Variants in NDFIP1 observed in about 807,000 individuals in gnomAD.
NDFIP1 encodes the protein NEDD4 family-interacting protein 1.
Under a neutral mutation model 28.8 loss-of-function variants are expected in NDFIP1, and 7 were observed. The ratio of observed to expected loss-of-function variants is 0.24; its 90% CI spans 0.14 to 0.46. The LOEUF is 0.46. Ranked by LOEUF, NDFIP1 falls within the 20% of genes least tolerant of loss-of-function variation. NDFIP1 has a pLI of 0.99. For synonymous variants in NDFIP1, 92 were observed against 101.0 expected, an observed-to-expected ratio of 0.91 and a Z score of 0.53; for missense variants, 194 against 269.1, an observed-to-expected ratio of 0.72 and a Z score of 1.95.
At chr5:142,115,728 A>C (rs1204019783) in intron 1 of NDFIP1, among the ~76,000 whole-genome samples, 1 of 152,128 alleles carries the variant, frequency 6.6e-6, no homozygotes, top group Non-Finnish European at 1.5e-5. Flanking sequence ...TCATGTATGA[A>C]ATTTTTTGGG....
intron 1 of NDFIP1, among the ~76,000 whole-genome samples, chr5:142,129,154 A>G (rs1327277088): frequency 1.3e-5 from 2 of 152,186 alleles, no homozygotes; most frequent in South Asian, 2.1e-4. Context: ...TATTAAGGGA[A>G]CATATTCGAA....
intron 7 of NDFIP1, among the ~76,000 whole-genome samples, chr5:142,151,133 A>G: frequency 6.6e-6 from 1 of 152,244 alleles, no homozygotes; most frequent in East Asian, 1.9e-4. Flanking sequence ...GTTTGAAAGT[A>G]CATGTATTAT....
chr5:142,137,986 TG>T, intron 5 of NDFIP1, 128 bp downstream of exon 5: 6 of 1,242,782 alleles, frequency 4.8e-6, no homozygotes, highest in Non-Finnish European at 5.4e-6. Context: ...GGTTTGTCTG[TG>T]GTTTCATGAT....
chr5:142,124,950 C>G (rs1481279012), intron 1 of NDFIP1, among the ~76,000 whole-genome samples: 1 of 152,152 alleles, frequency 6.6e-6, no homozygotes, highest in Non-Finnish European at 1.5e-5. Flanking sequence ...CTCAGCCTCC[C>G]AAGTAGCTGG....
At chr5:142,138,990 G>C (rs1028223869) in intron 5 of NDFIP1, among the ~76,000 whole-genome samples, 1 of 151,504 alleles carries the variant, frequency 6.6e-6, no homozygotes, top group East Asian at 1.9e-4. Flanking sequence ...GGCCGAGGCG[G>C]ACAGATCACG....
At position 142,154,405 on chromosome 5, in the gene NDFIP1, A is replaced by G. The variant is rs1757478467; in HGVS notation, c.*2677A>G. 3 of 152,280 alleles carry G rather than the reference A, an allele frequency of 2.0e-5. No homozygotes were observed. 9.4% of individuals were successfully genotyped at this position (152,280 alleles called of 1,614,324 possible). On this transcript the variant is annotated 3_prime_UTR_variant, in exon 8 of 8. Transcript: ENST00000253814. The stretch of plus-strand genomic sequence containing the variant: ...AAGTTACATTGCTTTGTATAGAAAT[A>G]AAAGGCATTATTAAAATTTGCTTGT...
At chr5:142,131,370 G>A (rs1047389395) in intron 1 of NDFIP1, among the ~76,000 whole-genome samples, 1 of 152,134 alleles carries the variant, frequency 6.6e-6, no homozygotes, top group Non-Finnish European at 1.5e-5. Flanking sequence ...CGCCTCCCGG[G>A]TTAAAACGAT....
At chr5:142,131,998 T>A in intron 2 of NDFIP1, 103 bp downstream of exon 2, 1 of 1,220,366 alleles carries the variant, frequency 8.2e-7, no homozygotes, top group Non-Finnish European at 1.1e-6. Context: ...GGAAGAAAGG[T>A]TACAAAGCAA....
chr5:142,149,556 C>T (rs866651383), intron 7 of NDFIP1, among the ~76,000 whole-genome samples: 11 of 151,522 alleles, frequency 7.3e-5, no homozygotes, highest in East Asian at 2.0e-4. Context: ...AACACTGCCA[C>T]TCAAGCCTCC....
At chr5:142,146,924 TG>T (rs1757395373) in intron 7 of NDFIP1, among the ~76,000 whole-genome samples, 1 of 152,108 alleles carries the variant, frequency 6.6e-6, no homozygotes, top group Non-Finnish European at 1.5e-5. Flanking sequence ...ACTATGTATG[TG>T]GGGTTGTGAT....
intron 1 of NDFIP1, among the ~76,000 whole-genome samples, chr5:142,120,683 A>C (rs184264251): frequency 8.5e-5 from 13 of 152,376 alleles, no homozygotes; most frequent in East Asian, 7.7e-4. Flanking sequence ...TAGTGAGGCC[A>C]AAAACACCAG....
At chr5:142,120,923 T>G (rs1271002498) in intron 1 of NDFIP1, among the ~76,000 whole-genome samples, 3 of 152,332 alleles carry the variant, frequency 2.0e-5, no homozygotes, top group Admixed American at 2.0e-4. Flanking sequence ...CTCTCCTGAA[T>G]AGAATACCTT....
At chr5:142,124,252 ACC>A (rs1202202810) in intron 1 of NDFIP1, among the ~76,000 whole-genome samples, 2 of 152,012 alleles carry the variant, frequency 1.3e-5, no homozygotes, top group Admixed American at 1.3e-4. Flanking sequence ...CCACCCCAAA[ACC>A]TTGCAGTGCT....
intron 1 of NDFIP1, among the ~76,000 whole-genome samples, chr5:142,114,318 G>C (rs1046975068): frequency 3.3e-4 from 50 of 152,098 alleles, no homozygotes; most frequent in African/African-American, 1.2e-3. Context: ...AATAATTAGC[G>C]ATGTTGAGCA....
At chr5:142,150,721 CA>C (rs11301868) in intron 7 of NDFIP1, among the ~76,000 whole-genome samples, 50,158 of 133,620 alleles carry the variant, frequency 0.38, 9,848 homozygotes, top group African/African-American at 0.6. Flanking sequence ...CTCTTGTCTC[CA>C]AAAAAAAAAA....
chr5:142,143,947 C>T (rs895190917), intron 6 of NDFIP1: 6 of 151,960 alleles, frequency 3.9e-5, no homozygotes, highest in African/African-American at 1.5e-4. Context: ...AGGCTGTGAT[C>T]ATACCGCTGC....
At position 142,108,860 on chromosome 5, in the gene NDFIP1, T is replaced by C; in HGVS notation, c.-115T>C. The C allele has an allele frequency of 1.1e-6, 1 of 910,802 alleles. No homozygotes were observed. The highest frequency in any genetic ancestry group is 2.8e-5 in the South Asian group (1 of 36,032). The allele number at this position is 910,802 out of a possible 1,614,324, so 56.4% of individuals were successfully genotyped here. ...TCTCGCCCGGGAGCGGCGGCGGCCA[T>C]CGAGACCCACCCAAGGCGCGTCCCC... On this transcript the variant is annotated 5_prime_UTR_variant, in exon 1 of 8. Coordinates refer to ENST00000253814, the MANE Select transcript of NDFIP1 (RefSeq NM_030571.4).
chr5:142,136,028 A>G (rs1197472786), intron 4 of NDFIP1, among the ~76,000 whole-genome samples: 1 of 152,224 alleles, frequency 6.6e-6, no homozygotes, highest in Non-Finnish European at 1.5e-5. Flanking sequence ...TCTGTGGAAA[A>G]TATAATTAAA....
intron 6 of NDFIP1, among the ~76,000 whole-genome samples, chr5:142,140,936 C>T (rs889936967): frequency 2.6e-5 from 4 of 152,024 alleles, no homozygotes; most frequent in African/African-American, 9.7e-5. Flanking sequence ...CCCTTGTGAG[C>T]TATTGCCACA....
Sources: allele counts gnomAD v4.1 joint callset (sites outside exome capture counted in the v4.1 genomes callset), GRCh38; gene constraint gnomAD v4.1.1; transcripts MANE v1.5; gene names NCBI Gene and HGNC (gene_info 2026-07-23, HGNC 2026-07-21).